The following ADRA1A variants were observed in gnomAD, a reference collection of about 807,000 sequenced individuals.
The protein encoded by ADRA1A is alpha-1A adrenergic receptor.
A neutral mutation model predicts 29.6 loss-of-function variants in ADRA1A; 31 were observed. That is an observed-to-expected ratio of 1.05 (90% CI 0.79 to 1.41). The LOEUF (loss-of-function observed/expected upper bound fraction) is 1.41, where lower values mean the gene tolerates loss of function less well. Among genes scored for constraint, ADRA1A ranks in the 40% most tolerant of loss-of-function variants. ADRA1A has a pLI of 0.00. For missense variants in ADRA1A, 619 were observed against 601.1 expected (o/e 1.03, Z -0.31); for synonymous variants, 311 against 254.3 (o/e 1.22, Z -2.12).
At chr8:26,857,965 A>G (rs1813169407) in intron 2 of ADRA1A, among the ~76,000 whole-genome samples, 1 of 152,206 alleles carries the variant, frequency 6.6e-6, no homozygotes, top group South Asian at 2.1e-4. Context: ...GTGATTCTAT[A>G]GCTTCCTGGC....
At chr8:26,836,955 C>T (rs1811416178) in intron 2 of ADRA1A, among the ~76,000 whole-genome samples, 1 of 152,078 alleles carries the variant, frequency 6.6e-6, no homozygotes, top group Non-Finnish European at 1.5e-5. Context: ...CCCAGGAAGG[C>T]AGCATAGTAC....
At chr8:26,780,036 G>A (rs1339531612) in intron 2 of ADRA1A, among the ~76,000 whole-genome samples, 1 of 152,088 alleles carries the variant, frequency 6.6e-6, no homozygotes, top group Non-Finnish European at 1.5e-5. Flanking sequence ...CCTCATAATG[G>A]GGTATCTGCC....
chr8:26,856,009 TGAAA>T (rs756729148), intron 2 of ADRA1A, among the ~76,000 whole-genome samples: 20 of 152,334 alleles, frequency 1.3e-4, no homozygotes, highest in South Asian at 1.0e-3. Context: ...TAGCCTGACT[TGAAA>T]GAGTCAGCTA....
At chr8:26,795,832 T>C (rs1808154522) in intron 2 of ADRA1A, among the ~76,000 whole-genome samples, 1 of 151,938 alleles carries the variant, frequency 6.6e-6, no homozygotes, top group Admixed American at 6.6e-5. Flanking sequence ...CTACGGAAAA[T>C]TGTTTATTCA....
At chr8:26,837,666 G>T (rs925820721) in intron 2 of ADRA1A, among the ~76,000 whole-genome samples, 1 of 121,876 alleles carries the variant, frequency 8.2e-6, no homozygotes, top group Non-Finnish European at 1.7e-5. Context: ...AAAAAAAAAA[G>T]TGTACAGTAG....
intron 2 of ADRA1A, among the ~76,000 whole-genome samples, chr8:26,803,817 C>T (rs1808769401): frequency 6.6e-6 from 1 of 151,994 alleles, no homozygotes; most frequent in African/African-American, 2.4e-5. Context: ...GGAAAAGATG[C>T]TCAGCATCGC....
intron 2 of ADRA1A, among the ~76,000 whole-genome samples, chr8:26,834,208 A>G (rs1252676631): frequency 3.9e-5 from 6 of 152,260 alleles, no homozygotes; most frequent in African/African-American, 1.4e-4. Flanking sequence ...AATAAACAAT[A>G]GAGAAAGCTA....
chr8:26,761,487 A>C (rs1217640136), downstream of ADRA1A, among the ~76,000 whole-genome samples: 1 of 152,206 alleles, frequency 6.6e-6, no homozygotes. Flanking sequence ...GGTGGACCCA[A>C]ATCCAATAAA....
At chr8:26,793,154 A>G (rs1807953025) in intron 2 of ADRA1A, among the ~76,000 whole-genome samples, 1 of 152,008 alleles carries the variant, frequency 6.6e-6, no homozygotes, top group Non-Finnish European at 1.5e-5. Flanking sequence ...GCTTACCAAT[A>G]GAGCCATATT....
intron 2 of ADRA1A, among the ~76,000 whole-genome samples, chr8:26,832,194 A>T (rs1358392124): frequency 6.6e-6 from 1 of 152,182 alleles, no homozygotes; most frequent in Admixed American, 6.5e-5. Context: ...TCCAGGTGGG[A>T]CGCTCATGGT....
At chr8:26,836,219 C>T in intron 2 of ADRA1A, 1 of 243,106 alleles carries the variant, frequency 4.1e-6, no homozygotes, top group South Asian at 7.4e-5. Flanking sequence ...TTTTGGTCTT[C>T]ATGTCTTTTG....
Position 26,770,269 on chromosome 8 carries a change from T to C in ADRA1A, c.1281A>G (p.Lys427=). 2 of 1,614,130 alleles carry C rather than the reference T, an allele frequency of 1.2e-6. No homozygotes were observed. Among genetic ancestry groups the C allele is most frequent in the Non-Finnish European group, 1.7e-6 (2 of 1,180,000 alleles). ...CACAGCAGCAGACCTGCAAAAAGCT[T>C]TTACTTCTCACCCGGGCTGTGGTAC... ...SSCTTARVRS[K]SFLQVCCCVG... is the part of the protein sequence containing the mutation. Residue 427 remains lysine (K), a synonymous_variant, in exon 3 of 3, where the codon AAA becomes AAG. Transcript: ENST00000380573.
At position 26,864,802 on chromosome 8, in the gene ADRA1A, G is replaced by T; in HGVS notation, c.168C>A (p.His56Gln). ...TGTAGTAGTGCGTGACTGAGTGCAG[G>T]TGTCGGTGACAGGCTACGGAGAGGA... ...LVILSVACHR[H>Q]LHSVTHYYIV... The change falls in exon 2 of 3, where the codon CAC becomes CAA. Residue 56 changes from histidine (H) to glutamine (Q), a missense_variant. Coordinates refer to ENST00000380573, the MANE Select transcript of ADRA1A (RefSeq NM_000680.4). This position sits in a 1 kb window ranked among gnomAD's most constrained non-coding sequence, Gnocchi z 8.1. 4.3e-6 allele frequency: 7 copies of T among 1,614,166 alleles called. No individual in the cohort carries two copies. The highest frequency in any genetic ancestry group is 5.9e-6 in the Non-Finnish European group (7 of 1,180,036).
chr8:26,819,358 A>G (rs991545777), intron 2 of ADRA1A, among the ~76,000 whole-genome samples: 4 of 151,056 alleles, frequency 2.6e-5, no homozygotes, highest in African/African-American at 9.8e-5. Context: ...AAATCATATG[A>G]AAATATAAAA....
At chr8:26,786,054 A>G (rs909210200) in intron 2 of ADRA1A, among the ~76,000 whole-genome samples, 1 of 151,880 alleles carries the variant, frequency 6.6e-6, no homozygotes, top group African/African-American at 2.4e-5. Flanking sequence ...TACAACTCTA[A>G]TTCGGTGACA....
chr8:26,824,660 T>C (rs536636830), intron 2 of ADRA1A, among the ~76,000 whole-genome samples: 3 of 152,154 alleles, frequency 2.0e-5, no homozygotes, highest in African/African-American at 7.2e-5. Context: ...GCTCTCTAAT[T>C]AGCTAAATAA....
At chr8:26,829,058 A>G (rs1810792298) in intron 2 of ADRA1A, among the ~76,000 whole-genome samples, 1 of 152,214 alleles carries the variant, frequency 6.6e-6, no homozygotes, top group Admixed American at 6.5e-5. Flanking sequence ...TAAAAGCGTC[A>G]CATGGCAGTA....
At chr8:26,782,930 C>A (rs955304327) in intron 2 of ADRA1A, among the ~76,000 whole-genome samples, 1 of 152,114 alleles carries the variant, frequency 6.6e-6, no homozygotes, top group Non-Finnish European at 1.5e-5. Flanking sequence ...CATCCTCAAC[C>A]GTCCACTCTC....
chr8:26,749,490 C>G (rs1350669053), intron 2 of ADRA1A, among the ~76,000 whole-genome samples: 1 of 152,150 alleles, frequency 6.6e-6, no homozygotes, highest in East Asian at 1.9e-4. Context: ...AAAGATGATG[C>G]CTGGCATGTA....
Sources: gnomAD v4.1 joint callset for allele counts (sites outside exome capture counted in the v4.1 genomes callset) on GRCh38, gnomAD v4.1.1 for gene constraint, Gnocchi (gnomAD v3.1) non-coding constraint, MANE v1.5 for transcripts, NCBI Gene and HGNC (gene_info 2026-07-23, HGNC 2026-07-21) for gene names.